MDH1B: variants seen among roughly 807,000 people sequenced by gnomAD.
MDH1B encodes the protein malate dehydrogenase 1B, also known as putative malate dehydrogenase 1B.
MDH1B carries 60 observed loss-of-function variants against 61.4 expected under a neutral mutation model. The observed-to-expected ratio is 0.98, with a 90% confidence interval of 0.79 to 1.21. The LOEUF (loss-of-function observed/expected upper bound fraction) is 1.21, where lower values mean the gene tolerates loss of function less well. Among genes scored for constraint, MDH1B ranks in the 50% most tolerant of loss-of-function variants. MDH1B has a pLI of 0.00. For synonymous variants in MDH1B, 236 were observed against 218.7 expected (o/e 1.08, Z -0.70); for missense variants, 587 against 632.1 (o/e 0.93, Z 0.76).
At chr2:206,739,728 T>C (rs1427709284) in intron 10 of MDH1B, 67 bp from the exon 11 acceptor site, 1 of 1,410,660 alleles carries the variant, frequency 7.1e-7, no homozygotes, top group African/African-American at 1.4e-5. Context: ...GTTATTTCCA[T>C]TTTCTTCTAT....
At chr2:206,760,827 A>G (rs941945013) in intron 2 of MDH1B, 74 bp downstream of exon 2, 1 of 821,910 alleles carries the variant, frequency 1.2e-6, no homozygotes, top group Non-Finnish European at 2.1e-6. Context: ...AGTCTAATAC[A>G]CCAGTTAATA....
At chr2:206,758,731 A>C (rs1179315980) in intron 2 of MDH1B, among the ~76,000 whole-genome samples, 1 of 151,690 alleles carries the variant, frequency 6.6e-6, no homozygotes, top group African/African-American at 2.4e-5. Context: ...GCACCATTGC[A>C]CTCTAGCCTG....
Position 206,757,218 on chromosome 2 carries a change from G to A in MDH1B, c.270+19C>T. ...TAAGAGAATTATCATTATTAGAACA[G>A]ATAAGTTAACTTATATACCTGAGCA... On this transcript the variant is annotated intron_variant, in intron 3 of 11. Transcript: ENST00000374412. 1 of 1,599,212 alleles carries A rather than the reference G, an allele frequency of 6.3e-7. No homozygotes were observed. Among genetic ancestry groups the A allele is most frequent in the Non-Finnish European group, 8.5e-7 (1 of 1,172,720 alleles).
At chr2:206,756,549 T>C (rs1311683784) in intron 4 of MDH1B, 1 of 206,474 alleles carries the variant, frequency 4.8e-6, no homozygotes, top group Non-Finnish European at 9.7e-6. Context: ...AGAGAGGGAG[T>C]GGGTGCATAG....
intron 9 of MDH1B, among the ~76,000 whole-genome samples, chr2:206,742,253 GAA>G (rs1366683556): frequency 6.6e-6 from 1 of 152,202 alleles, no homozygotes; most frequent in Non-Finnish European, 1.5e-5. Context: ...GAACTGCAAC[GAA>G]AAGTGTATGC....
rs770263229 is a variant in MDH1B, at chr2:206,756,989, C to A, written c.322G>T (p.Ala108Ser). Residue 108 changes from alanine to serine, a missense_variant, in exon 4 of 12, where the codon GCT (alanine) becomes TCT (serine). Transcript: ENST00000374412. ...SMTTELMMVI[A>S]QENLGAHIEK... ...ATATGTGCCCCCAGGTTCTCTTGAG[C>A]AATTACCATCATCAGTTCAGTCGTC... 6.2e-7 allele frequency: 1 copy of A among 1,613,988 alleles called. No individual in the cohort carries two copies. The highest frequency in any genetic ancestry group is 8.5e-7 in the Non-Finnish European group (1 of 1,179,896).
chr2:206,738,321 T>C lies in MDH1B; in HGVS notation c.*162A>G. On this transcript the variant is annotated 3_prime_UTR_variant, in exon 12 of 12. Transcript: ENST00000374412. ...CAAGTAATGCAAAATGACGGAACTCTGACCTCTGTGCTGTCACAGTGATTT... is the reference window on the plus strand; with the variant it reads ...CAAGTAATGCAAAATGACGGAACTCCGACCTCTGTGCTGTCACAGTGATTT... 2.1e-6 allele frequency: 1 copy of C among 466,400 alleles called. No individual in the cohort carries two copies. The highest frequency in any genetic ancestry group is 3.8e-6 in the Non-Finnish European group (1 of 264,536). The allele number at this position is 466,400 out of a possible 1,614,324, so 28.9% of individuals were successfully genotyped here. A position where few individuals can be genotyped will look rare whatever the true frequency, so the allele number is the denominator to read the frequency against.
chr2:206,760,778 C>A, intron 2 of MDH1B, 123 bp downstream of exon 2: 1 of 578,650 alleles, frequency 1.7e-6, no homozygotes. Context: ...TACTAGTATT[C>A]AAATATCACT....
At chr2:206,746,223 G>T in intron 8 of MDH1B, 64 bp downstream of exon 8, 3 of 1,436,970 alleles carry the variant, frequency 2.1e-6, no homozygotes, top group Non-Finnish European at 1.9e-6. Flanking sequence ...GTATGCCTTG[G>T]CCTAGGAGAA....
intron 9 of MDH1B, 157 bp from the exon 10 acceptor site, chr2:206,741,261 G>T: frequency 1.0e-6 from 1 of 959,712 alleles, no homozygotes; most frequent in Non-Finnish European, 1.6e-6. Context: ...GTACATTTGT[G>T]TACATATTAA....
intron 11 of MDH1B, 84 bp from the exon 12 acceptor site, chr2:206,738,595 G>T: frequency 1.0e-6 from 1 of 957,502 alleles, no homozygotes; most frequent in Non-Finnish European, 1.6e-6. Context: ...TTTGTTTGCT[G>T]GATTCCTGTA....
At chr2:206,754,884 G>A (rs1688664071) in intron 5 of MDH1B, 125 bp downstream of exon 5, 2 of 1,095,474 alleles carry the variant, frequency 1.8e-6, no homozygotes, top group Non-Finnish European at 1.3e-6. Flanking sequence ...AGTTCTTTAT[G>A]TCTGTTTTAT....
At chr2:206,755,790 A>T (rs2105943720) in intron 4 of MDH1B, among the ~76,000 whole-genome samples, 1 of 152,320 alleles carries the variant, frequency 6.6e-6, no homozygotes, top group South Asian at 2.1e-4. Flanking sequence ...GCAGAAATCA[A>T]AATAAAAAAA....
At position 206,745,658 on chromosome 2, in the gene MDH1B, G is replaced by T; in HGVS notation, c.1372C>A (p.Leu458Ile). The stretch of plus-strand genomic sequence containing the variant: ...GGCTGAAAATGTATCTTGTCTCCAA[G>T]TGCAACAAGTTTCTCCTGTTGAAAT... The part of the protein sequence containing the change: ...SDLIQEKLVA[L>I]GDKIHFQPYQ... The change falls in exon 9 of 12, where the codon CTT becomes ATT. Residue 458 changes from leucine to isoleucine, a missense_variant. Coordinates refer to ENST00000374412, the MANE Select transcript of MDH1B (RefSeq NM_001039845.3). 1 of 1,610,514 alleles carries T rather than the reference G, an allele frequency of 6.2e-7. No homozygotes were observed. Among genetic ancestry groups the T allele is most frequent in the Non-Finnish European group, 8.5e-7 (1 of 1,177,864 alleles).
At chr2:206,752,807 T>C (rs1688528363) in intron 5 of MDH1B, among the ~76,000 whole-genome samples, 1 of 126,248 alleles carries the variant, frequency 7.9e-6, no homozygotes, top group African/African-American at 3.1e-5. Flanking sequence ...TTTTTTTTTT[T>C]CATTAAGAGC....
chr2:206,743,972 T>C (rs566465970), intron 9 of MDH1B, among the ~76,000 whole-genome samples: 1 of 152,284 alleles, frequency 6.6e-6, no homozygotes, highest in Admixed American at 6.5e-5. Context: ...CAAACAGCCT[T>C]GCCTTATTCC....
chr2:206,747,319 T>C (rs1688173993), intron 7 of MDH1B, among the ~76,000 whole-genome samples: 1 of 152,196 alleles, frequency 6.6e-6, no homozygotes, highest in African/African-American at 2.4e-5. Flanking sequence ...GGTCTGAGGG[T>C]TTACCTATTT....
intron 11 of MDH1B, among the ~76,000 whole-genome samples, chr2:206,738,932 C>T (rs1320812533): frequency 6.6e-6 from 1 of 152,122 alleles, no homozygotes; most frequent in African/African-American, 2.4e-5. Flanking sequence ...TTTTATTGGA[C>T]ATTTAAATAA....
chr2:206,743,005 A>G lies in MDH1B; in HGVS notation c.1409-1901T>C, dbSNP rs145842565. On this transcript the variant is annotated intron_variant, in intron 9 of 11. Coordinates refer to ENST00000374412, the MANE Select transcript of MDH1B (RefSeq NM_001039845.3). ...GCTGGGATTACAGGTGTGAGCCACC[A>G]CGCCCAGCCGATGTCTCTAATTTAT... Among the ~76,000 whole-genome samples, 1,086 of 152,156 alleles carry G rather than the reference A, an allele frequency of 7.1e-3. 22 individuals are homozygous for G. Among genetic ancestry groups the G allele is most frequent in the East Asian group, 0.05 (256 of 5,162 alleles).
Sources: gnomAD v4.1 joint callset for allele counts (sites outside exome capture counted in the v4.1 genomes callset) on GRCh38, gnomAD v4.1.1 for gene constraint, MANE v1.5 for transcripts, NCBI Gene and HGNC (gene_info 2026-07-23, HGNC 2026-07-21) for gene names.